Variants in PLEKHF1 observed in about 807,000 individuals in gnomAD.
PLEKHF1 encodes the protein pleckstrin homology and FYVE domain containing 1.
In PLEKHF1, 1 loss-of-function variant was observed where a neutral mutation model predicts 4.1. The observed-to-expected ratio is 0.24, with a 90% CI of 0.09 to 1.15. PLEKHF1 has a LOEUF of 1.15. Ranked by LOEUF, PLEKHF1 falls within the 50% of genes most tolerant of loss-of-function variation. The pLI is 0.52. For missense variants in PLEKHF1, 429 were observed against 400.6 expected, an observed-to-expected ratio of 1.07 and a Z score of -0.60; for synonymous variants, 182 against 178.5, an observed-to-expected ratio of 1.02 and a Z score of -0.16.
intron 1 of PLEKHF1, among the ~76,000 whole-genome samples, chr19:29,668,845 G>C (rs1007162536): frequency 6.6e-6 from 1 of 152,184 alleles, no homozygotes; most frequent in African/African-American, 2.4e-5. Flanking sequence ...TGTAGAGAAG[G>C]TGAGCATGCC....
intron 1 of PLEKHF1, among the ~76,000 whole-genome samples, chr19:29,667,908 C>G (rs1971587619): frequency 6.6e-6 from 1 of 152,182 alleles, no homozygotes; most frequent in Admixed American, 6.5e-5. Flanking sequence ...AGCCTCTGTC[C>G]CACATGGCTG....
intron 1 of PLEKHF1, among the ~76,000 whole-genome samples, chr19:29,668,429 A>G (rs76377769): frequency 6.6e-6 from 1 of 151,184 alleles, no homozygotes; most frequent in African/African-American, 2.4e-5. Flanking sequence ...AAAAAAAAAA[A>G]GGATTCCCAG....
chr19:29,673,975 T>A lies in PLEKHF1; in HGVS notation c.136T>A (p.Cys46Ser). 1 of 1,613,698 alleles carries A rather than the reference T, an allele frequency of 6.2e-7. No homozygotes were observed. Among genetic ancestry groups the A allele is most frequent in the South Asian group, 1.1e-5 (1 of 91,080 alleles). ...LLGEGVLTKE[C>S]RKKAKPRIFF... ...GGGCGAGGGCGTGCTGACCAAAGAG[T>A]GCCGCAAGAAGGCCAAGCCGCGCAT... The change falls in exon 2 of 2, where the codon TGC (cysteine) becomes AGC (serine). Residue 46 changes from cysteine (C) to serine (S), a missense_variant. By Grantham distance (112) the Cys-to-Ser change is moderately radical. Coordinates refer to ENST00000436066, the MANE Select transcript of PLEKHF1 (RefSeq NM_024310.5).
At chr19:29,672,751 G>A (rs1366268725) in intron 1 of PLEKHF1, among the ~76,000 whole-genome samples, 2 of 152,156 alleles carry the variant, frequency 1.3e-5, no homozygotes, top group African/African-American at 4.8e-5. Flanking sequence ...TGTTGGATGT[G>A]TTGAGTTTGA....
chr19:29,668,700 A>G (rs1232389631), intron 1 of PLEKHF1, among the ~76,000 whole-genome samples: 1 of 151,874 alleles, frequency 6.6e-6, no homozygotes, highest in East Asian at 1.9e-4. Context: ...AGCCTGGGCA[A>G]CAAAGCAAGA....
rs1196215703 is a variant in PLEKHF1, at chr19:29,670,712, C to T, written c.-16-3112C>T. ...TTTTTTTTTGAGACGGAGTCTCACT[C>T]TGTCGCCCAGGCTGGAGCACAGTGG... On this transcript the variant is annotated intron_variant, in intron 1 of 1. Coordinates refer to ENST00000436066, the MANE Select transcript of PLEKHF1 (RefSeq NM_024310.5). Among the ~76,000 whole-genome samples, 7 of 151,636 alleles carry T rather than the reference C, an allele frequency of 4.6e-5. No homozygotes were observed. In the East Asian group the frequency reaches 1.2e-3, roughly 25 times the overall value.
Position 29,671,388 on chromosome 19 carries a change from G to A in PLEKHF1, c.-16-2436G>A, listed in dbSNP as rs543297932. On this transcript the variant is annotated intron_variant, in intron 1 of 1. Coordinates refer to ENST00000436066, the MANE Select transcript of PLEKHF1 (RefSeq NM_024310.5). The surrounding 1 kb of genome is among the most constrained non-coding windows in gnomAD (Gnocchi z 4.0). The stretch of plus-strand genomic sequence containing the variant: ...TACAGGCTGTGTTTTTCCACTCCAC[G>A]TTTGTTGTTTGCCGTCAGACCACAT... Among the ~76,000 whole-genome samples the A allele has an allele frequency of 1.8e-4, 28 of 152,226 alleles. No individual in the cohort carries two copies. Among genetic ancestry groups the A allele is most frequent in the East Asian group, 1.9e-4 (1 of 5,190 alleles).
chr19:29,673,867 A>T lies in PLEKHF1; in HGVS notation c.28A>T (p.Ile10Phe). 1 of 1,605,798 alleles carries T rather than the reference A, an allele frequency of 6.2e-7. No homozygotes were observed. The highest frequency in any genetic ancestry group is 1.1e-5 in the South Asian group (1 of 90,492). Residue 10 changes from isoleucine to phenylalanine, a missense_variant, in exon 2 of 2, where the codon ATC becomes TTC. Ile to Phe is a conservative substitution (Grantham distance 21). Coordinates refer to ENST00000436066, the MANE Select transcript of PLEKHF1 (RefSeq NM_024310.5). ...GGTGGACCACTTGGCCAACACGGAG[A>T]TCAACAGCCAGCGCATCGCGGCAGT... is the stretch of plus-strand genomic sequence containing the variant. MVDHLANTE[I>F]NSQRIAAVES...
At chr19:29,672,112 A>G (rs924424260) in intron 1 of PLEKHF1, among the ~76,000 whole-genome samples, 2 of 152,114 alleles carry the variant, frequency 1.3e-5, no homozygotes, top group Admixed American at 6.5e-5. Context: ...GAAAACACAC[A>G]AGCAATGAAT....
chr19:29,669,743 A>T (rs974976835), intron 1 of PLEKHF1, among the ~76,000 whole-genome samples: 1 of 152,196 alleles, frequency 6.6e-6, no homozygotes, highest in African/African-American at 2.4e-5. Flanking sequence ...AAACTTTTTT[A>T]AAAATGAAAC....
intron 1 of PLEKHF1, among the ~76,000 whole-genome samples, chr19:29,669,077 G>A (rs78942339): frequency 0.02 from 2,999 of 152,296 alleles, 59 homozygotes; most frequent in Non-Finnish European, 0.032. Context: ...AGAGCCTAGA[G>A]GGGGTCTGTG....
At position 29,675,259 on chromosome 19, in the gene PLEKHF1, C is replaced by T. The variant is rs1246775898; in HGVS notation, c.*580C>T. ...GTGCCACCAGGCCCAGGGACTGCAG[C>T]CTGAGCTCCCCGAGGCCCAGGGCAG... On this transcript the variant is annotated 3_prime_UTR_variant, in exon 2 of 2. Transcript: ENST00000436066. 6.0e-6 allele frequency: 1 copy of T among 167,228 alleles called. No homozygotes were observed. The highest frequency in any genetic ancestry group is 2.4e-5 in the African/African-American group (1 of 41,410). 10.4% of individuals were successfully genotyped at this position (167,228 alleles called of 1,614,324 possible).
At chr19:29,668,106 C>T (rs1228259806) in intron 1 of PLEKHF1, among the ~76,000 whole-genome samples, 1 of 152,222 alleles carries the variant, frequency 6.6e-6, no homozygotes, top group East Asian at 1.9e-4. Context: ...TGAGCACCTC[C>T]AGCCCCTGTG....
In PLEKHF1 at chr19:29,671,307, C is replaced by G. The variant is rs1356634880; in HGVS notation, c.-16-2517C>G. ...TATTCATAGATATAGTTCTTGAACACTTTCAGAATGTTATGTAATTCCTGC... is the reference window on the plus strand; with the variant it reads ...TATTCATAGATATAGTTCTTGAACAGTTTCAGAATGTTATGTAATTCCTGC... On this transcript the variant is annotated intron_variant, in intron 1 of 1. Transcript: ENST00000436066. The surrounding 1 kb of genome is among the most constrained non-coding windows in gnomAD (Gnocchi z 4.0). Among the ~76,000 whole-genome samples the G allele has an allele frequency of 6.6e-6, 1 of 152,178 alleles. No individual in the cohort carries two copies. Among genetic ancestry groups the G allele is most frequent in the Non-Finnish European group, 1.5e-5 (1 of 68,032 alleles).
In PLEKHF1 at chr19:29,674,077, A is replaced by G. The variant is rs777926603; in HGVS notation, c.238A>G (p.Ile80Val). The G allele has an allele frequency of 5.0e-6, 8 of 1,613,964 alleles. No individual in the cohort carries two copies. The highest frequency in any genetic ancestry group is 6.8e-6 in the Non-Finnish European group (8 of 1,180,006). ...GCGCAAGTACCGCAGCCAGCACATC[A>G]TCCCCCTGGAGGAGGTCACACTGGA... ...NKRKYRSQHI[I>V]PLEEVTLELL... The change falls in exon 2 of 2, where the codon ATC (isoleucine) becomes GTC (valine). Residue 80 changes from isoleucine (I) to valine (V), a missense_variant. Transcript: ENST00000436066.
intron 1 of PLEKHF1, among the ~76,000 whole-genome samples, chr19:29,673,139 C>T (rs1340931695): frequency 2.6e-5 from 4 of 152,196 alleles, no homozygotes; most frequent in East Asian, 3.8e-4. Flanking sequence ...AGGAAGCACT[C>T]GGCGCCTGTG....
intron 1 of PLEKHF1, chr19:29,667,280 G>A (rs1971579648): frequency 6.6e-6 from 1 of 152,282 alleles, no homozygotes; most frequent in Non-Finnish European, 1.5e-5. Context: ...ACAGTGTTTA[G>A]CACTGGCTCT....
chr19:29,665,520 C>T lies in PLEKHF1; in HGVS notation c.-17+15C>T, dbSNP rs1258037732. 25 of 1,238,390 alleles carry T rather than the reference C, an allele frequency of 2.0e-5. No individual in the cohort carries two copies. The highest frequency in any genetic ancestry group is 2.6e-5 in the Non-Finnish European group (25 of 962,060). The allele number at this position is 1,238,390 out of a possible 1,614,324, so 76.7% of individuals were successfully genotyped here. A position where few individuals can be genotyped will look rare whatever the true frequency, so the allele number is the denominator to read the frequency against. On this transcript the variant is annotated intron_variant, in intron 1 of 1. Coordinates refer to ENST00000436066, the MANE Select transcript of PLEKHF1 (RefSeq NM_024310.5). ...CGGCGCAGAAGGTGAGTCCCCCCAC[C>T]GTCCCCCGGCCGGGCTGCGGGTCGC...
rs1174903908 is a variant in PLEKHF1, at chr19:29,671,215, T to C, written c.-16-2609T>C. ...CCTGGGTTCAAGCGATTCTCCTGCCTCCGCCTCCCGAGTAGCTGGAATTAC... is the reference window on the plus strand; with the variant it reads ...CCTGGGTTCAAGCGATTCTCCTGCCCCCGCCTCCCGAGTAGCTGGAATTAC... On this transcript the variant is annotated intron_variant, in intron 1 of 1. Coordinates refer to ENST00000436066, the MANE Select transcript of PLEKHF1 (RefSeq NM_024310.5). The surrounding 1 kb of genome is among the most constrained non-coding windows in gnomAD (Gnocchi z 4.0). 6.6e-6 allele frequency among the ~76,000 whole-genome samples: 1 copy of C among 151,988 alleles called. No homozygotes were observed. The highest frequency in any genetic ancestry group is 6.6e-5 in the Admixed American group (1 of 15,242).
Sources: allele counts gnomAD v4.1 joint callset (sites outside exome capture counted in the v4.1 genomes callset), GRCh38; gene constraint gnomAD v4.1.1; non-coding constraint Gnocchi (gnomAD v3.1); transcripts MANE v1.5; gene names NCBI Gene and HGNC (gene_info 2026-07-23, HGNC 2026-07-21).